UNC5CL: variants seen among roughly 807,000 people sequenced by gnomAD.
The protein encoded by UNC5CL is unc-5 family C-terminal like, also known as UNC5C-like protein.
UNC5CL carries 42 observed loss-of-function variants against 54.1 expected under a neutral mutation model. That is an observed-to-expected ratio of 0.78 (90% CI 0.61 to 1.00). The LOEUF (loss-of-function observed/expected upper bound fraction) is 1.00, where lower values mean the gene tolerates loss of function less well. Among genes scored for constraint, UNC5CL ranks in the 50% least tolerant of loss-of-function variants. UNC5CL has a pLI of 0.00. For synonymous variants in UNC5CL, 285 were observed against 285.1 expected, an observed-to-expected ratio of 1.00 and a Z score of 0.00; for missense variants, 619 against 675.6, an observed-to-expected ratio of 0.92 and a Z score of 0.93.
At chr6:41,032,312 A>G in intron 4 of UNC5CL, among the ~76,000 whole-genome samples, 175 bp from the exon 5 acceptor site, 1 of 152,244 alleles carries the variant, frequency 6.6e-6, no homozygotes, top group African/African-American at 2.4e-5. Context: ...AAAGCCTTCC[A>G]TCCTTTCCTG....
At chr6:41,036,105 T>C (rs762499173) in intron 1 of UNC5CL, among the ~76,000 whole-genome samples, 3 of 152,238 alleles carry the variant, frequency 2.0e-5, no homozygotes, top group African/African-American at 7.2e-5. Flanking sequence ...TGGTGTACAA[T>C]AAAAATGTAA....
rs932350257 is a variant in UNC5CL, at chr6:41,028,203, G to A, written c.*170C>T. On this transcript the variant is annotated 3_prime_UTR_variant, in exon 9 of 9. Coordinates refer to ENST00000244565, the MANE Select transcript of UNC5CL (RefSeq NM_173561.3). The surrounding 1 kb of genome is among the most constrained non-coding windows in gnomAD (Gnocchi z 4.3). ...CACGCGGGACAGCTCGCGGCCGGAA[G>A]GGCGCGCCTGCTGCTGGGAGGCTGG... 4.2e-6 allele frequency: 3 copies of A among 710,972 alleles called. No homozygotes were observed. The highest frequency in any genetic ancestry group is 3.7e-5 in the African/African-American group (2 of 54,286). The allele number at this position is 710,972 out of a possible 1,614,324, so 44.0% of individuals were successfully genotyped here.
chr6:41,030,562 C>G, intron 7 of UNC5CL, 61 bp from the exon 8 acceptor site: 1 of 1,609,712 alleles, frequency 6.2e-7, no homozygotes, highest in African/African-American at 1.3e-5. Flanking sequence ...TCTGGTTCTC[C>G]CATATGCACC....
Position 41,035,063 on chromosome 6 carries a change from C to T in UNC5CL, c.12G>A (p.Gln4=). MCP[Q]ESSFQPSQFL... ...ACTGGGAGGGTTGGAATGAACTCTC[C>T]TGGGGGCACATTCGCCTGGTTACTC... The change falls in exon 2 of 9, where the codon CAG becomes CAA. Residue 4 remains glutamine, a synonymous_variant. Transcript: ENST00000244565. 1 of 1,567,038 alleles carries T rather than the reference C, an allele frequency of 6.4e-7. No homozygotes were observed. Among genetic ancestry groups the T allele is most frequent in the South Asian group, 1.2e-5 (1 of 86,202 alleles).
At chr6:41,032,565 C>G (rs180697326) in intron 4 of UNC5CL, among the ~76,000 whole-genome samples, 1 of 152,284 alleles carries the variant, frequency 6.6e-6, no homozygotes, top group Non-Finnish European at 1.5e-5. Context: ...TCGAGACCAG[C>G]CTGGACAACA....
chr6:41,034,654 C>A, intron 2 of UNC5CL, 36 bp downstream of exon 2: 1 of 1,586,166 alleles, frequency 6.3e-7, no homozygotes, highest in South Asian at 1.1e-5. Flanking sequence ...ACAGTCTGAC[C>A]AACTGTATGC....
chr6:41,034,220 C>T (rs1166720709), intron 2 of UNC5CL, 39 bp from the exon 3 acceptor site: 9 of 1,562,462 alleles, frequency 5.8e-6, no homozygotes, highest in Non-Finnish European at 7.8e-6. Context: ...GCCTGGTAGG[C>T]AGGCACACCC....
chr6:41,033,483 C>A (rs759594853), intron 3 of UNC5CL: 1 of 490,078 alleles, frequency 2.0e-6, no homozygotes, highest in Non-Finnish European at 3.6e-6. Flanking sequence ...TCTAGAAAGA[C>A]AAAGAGAAGA....
Position 41,028,385 on chromosome 6 carries a change from G to A in UNC5CL, c.1545C>T (p.Asp515=). Residue 515 remains aspartate (D), a synonymous_variant, in exon 9 of 9, where the codon GAC becomes GAT. Coordinates refer to ENST00000244565, the MANE Select transcript of UNC5CL (RefSeq NM_173561.3). This position sits in a 1 kb window ranked among gnomAD's most constrained non-coding sequence, Gnocchi z 4.3. ...GCCCGCTGGGCGCTCAGAGCTTCTC[G>A]TCCAGCTCCAGGCCCTGGTTATCCC... ...GARDNQGLEL[D]EKL The A allele has an allele frequency of 1.3e-6, 2 of 1,587,104 alleles. No individual in the cohort carries two copies. The highest frequency in any genetic ancestry group is 1.1e-5 in the South Asian group (1 of 88,950).
intron 2 of UNC5CL, among the ~76,000 whole-genome samples, 183 bp downstream of exon 2, chr6:41,034,507 C>T (rs1366702267): frequency 6.6e-6 from 1 of 152,232 alleles, no homozygotes; most frequent in Non-Finnish European, 1.5e-5. Flanking sequence ...TTTACTTCCA[C>T]CTGCCAGGAA....
At chr6:41,033,481 G>A (rs1762480733) in intron 3 of UNC5CL, 1 of 492,846 alleles carries the variant, frequency 2.0e-6, no homozygotes, top group African/African-American at 1.9e-5. Context: ...ACTCTAGAAA[G>A]ACAAAGAGAA....
rs1222923300 is a variant in UNC5CL at position 41,028,195 on chromosome 6, G to C, written c.*178C>G. ...GGGACCCGCACGCGGGACAGCTCGC[G>C]GCCGGAAGGGCGCGCCTGCTGCTGG... On this transcript the variant is annotated 3_prime_UTR_variant, in exon 9 of 9. Coordinates refer to ENST00000244565, the MANE Select transcript of UNC5CL (RefSeq NM_173561.3). This position sits in a 1 kb window ranked among gnomAD's most constrained non-coding sequence, Gnocchi z 4.3. The C allele has an allele frequency of 1.5e-6, 1 of 667,282 alleles. No homozygotes were observed. The highest frequency in any genetic ancestry group is 2.4e-6 in the Non-Finnish European group (1 of 409,900). 41.3% of individuals were successfully genotyped at this position (667,282 alleles called of 1,614,324 possible).
chr6:41,033,823 G>T lies in UNC5CL; in HGVS notation c.686+58C>A, dbSNP rs1762484068. 4.5e-6 allele frequency: 7 copies of T among 1,553,140 alleles called. No homozygotes were observed. In the South Asian group the frequency reaches 6.0e-5, roughly 13 times the overall value. ...ATAAGGCAGACAGAGAAAGTGGGCA[G>T]GAAAGACAGTCCTCAGAGAGATGGG... On this transcript the variant is annotated intron_variant, in intron 3 of 8. Transcript: ENST00000244565.
chr6:41,030,697 C>A lies in UNC5CL; in HGVS notation c.1178G>T (p.Trp393Leu). Residue 393 changes from tryptophan to leucine, a missense_variant, in exon 7 of 9, where the codon TGG becomes TTG. Transcript: ENST00000244565. ...LRFQASEEES[W>L]AAPPPVSQPP... ...CTGGGAAACAGGTGGTGGCGCTGCC[C>A]AGGATTCCTCCTCTGATGCCTGGAA... 6.2e-7 allele frequency: 1 copy of A among 1,614,086 alleles called. No homozygotes were observed.
At chr6:41,033,842 A>G (rs370945636) in intron 3 of UNC5CL, 39 bp downstream of exon 3, 67 of 1,590,328 alleles carry the variant, frequency 4.2e-5, no homozygotes, top group African/African-American at 2.3e-4. Flanking sequence ...GTCCTCAGAG[A>G]GATGGGTGTG....
In UNC5CL at chr6:41,029,535, T is replaced by G. The variant is rs1242974081; in HGVS notation, c.1334+853A>C. On this transcript the variant is annotated intron_variant, in intron 8 of 8. Coordinates refer to ENST00000244565, the MANE Select transcript of UNC5CL (RefSeq NM_173561.3). The surrounding 1 kb of genome is among the most constrained non-coding windows in gnomAD (Gnocchi z 4.1). ...CGCTCCTAGGCGCCGGGACCATGCCTCATTCATCTTGTATCATAGTGCTTA... is the reference window on the plus strand; with the variant it reads ...CGCTCCTAGGCGCCGGGACCATGCCGCATTCATCTTGTATCATAGTGCTTA... 6.6e-6 allele frequency among the ~76,000 whole-genome samples: 1 copy of G among 152,256 alleles called. No homozygotes were observed. Among genetic ancestry groups the G allele is most frequent in the Non-Finnish European group, 1.5e-5 (1 of 68,048 alleles).
At position 41,034,932 on chromosome 6, in the gene UNC5CL, C is replaced by T; in HGVS notation, c.143G>A (p.Gly48Asp). ...AGGCTGGGACACTGGTTCCTCTTGA[C>T]CATTCAGTGTCCAGCAGGCCCCCAG... Reference protein sequence around the residue: ...RLLGACWTLNGQEEPVSQPTP... With the variant: ...RLLGACWTLNDQEEPVSQPTP... The change falls in exon 2 of 9, where the codon GGT becomes GAT. Residue 48 changes from glycine to aspartate, a missense_variant. Coordinates refer to ENST00000244565, the MANE Select transcript of UNC5CL (RefSeq NM_173561.3). 1.9e-6 allele frequency: 3 copies of T among 1,614,124 alleles called. No individual in the cohort carries two copies. The highest frequency in any genetic ancestry group is 2.5e-6 in the Non-Finnish European group (3 of 1,180,008).
chr6:41,028,230 G>A lies in UNC5CL; in HGVS notation c.*143C>T, dbSNP rs1359059854. ...GCGCGCCTGCTGCTGGGAGGCTGGC[G>A]AGGACGCGGGCGGCCCTGGCACCGT... On this transcript the variant is annotated 3_prime_UTR_variant, in exon 9 of 9. Transcript: ENST00000244565. This position sits in a 1 kb window ranked among gnomAD's most constrained non-coding sequence, Gnocchi z 4.3. The A allele has an allele frequency of 2.3e-6, 2 of 871,188 alleles. No individual in the cohort carries two copies. The highest frequency in any genetic ancestry group is 3.0e-5 in the East Asian group (1 of 33,640). 54.0% of individuals were successfully genotyped at this position (871,188 alleles called of 1,614,324 possible). A position where few individuals can be genotyped will look rare whatever the true frequency, so the allele number is the denominator to read the frequency against.
At position 41,031,717 on chromosome 6, in the gene UNC5CL, G is replaced by A. The variant is rs551159599; in HGVS notation, c.1083C>T (p.Thr361=). Residue 361 remains threonine, a synonymous_variant, in exon 6 of 9, where the codon ACC becomes ACT. Coordinates refer to ENST00000244565, the MANE Select transcript of UNC5CL (RefSeq NM_173561.3). ...TGTGCATGGTGACAATGATCTCATTGGTTAGTGCTGAACAGTCCTCATTCT... is the reference window on the plus strand; with the variant it reads ...TGTGCATGGTGACAATGATCTCATTAGTTAGTGCTGAACAGTCCTCATTCT... The part of the protein sequence containing the change: ...ADENEDCSAL[T]NEIIVTMHTF... 12 of 1,614,190 alleles carry A rather than the reference G, an allele frequency of 7.4e-6. No individual in the cohort carries two copies. Among genetic ancestry groups the A allele is most frequent in the Non-Finnish European group, 1.0e-5 (12 of 1,180,032 alleles).
Sources: allele counts gnomAD v4.1 joint callset (sites outside exome capture counted in the v4.1 genomes callset), GRCh38; gene constraint gnomAD v4.1.1; non-coding constraint Gnocchi (gnomAD v3.1); transcripts MANE v1.5; gene names NCBI Gene and HGNC (gene_info 2026-07-23, HGNC 2026-07-21).